RORA: variants seen among roughly 807,000 people sequenced by gnomAD.
The protein encoded by RORA is nuclear receptor ROR-alpha.
RORA carries 7 observed loss-of-function variants against 69.5 expected under a neutral mutation model. That is an observed-to-expected ratio of 0.10 (90% CI 0.06 to 0.19). The LOEUF is 0.19. Among genes scored for constraint, RORA ranks in the 10% least tolerant of loss-of-function variants. The pLI is 1.00. For missense variants in RORA, 457 were observed against 663.0 expected, an observed-to-expected ratio of 0.69 and a Z score of 3.41; for synonymous variants, 261 against 240.8, an observed-to-expected ratio of 1.08 and a Z score of -0.78.
rs994901562 is a variant in RORA at position 60,493,107 on chromosome 15, T to C, written c.*4348A>G. On this transcript the variant is annotated 3_prime_UTR_variant, in exon 11 of 11. Transcript: ENST00000335670. The stretch of plus-strand genomic sequence containing the variant: ...ATTATAAGGTGCTTATTTACCCTTG[T>C]TTTTCACCAGTCAGCACAAAGAACT... 3.9e-5 allele frequency: 6 copies of C among 152,106 alleles called. No individual in the cohort carries two copies. The highest frequency in any genetic ancestry group is 1.4e-4 in the African/African-American group (6 of 41,412). 9.4% of individuals were successfully genotyped at this position (152,106 alleles called of 1,614,324 possible). A position where few individuals can be genotyped will look rare whatever the true frequency, so the allele number is the denominator to read the frequency against.
chr15:60,750,596 C>T (rs1306162957), intron 1 of RORA, among the ~76,000 whole-genome samples: 1 of 152,016 alleles, frequency 6.6e-6, no homozygotes, highest in Non-Finnish European at 1.5e-5. Flanking sequence ...TAATTAGGCT[C>T]TCTATGTATA....
At chr15:60,986,320 G>C (rs555651073) in intron 1 of RORA, among the ~76,000 whole-genome samples, 26 of 152,248 alleles carry the variant, frequency 1.7e-4, no homozygotes, top group Admixed American at 7.2e-4. Context: ...GTTTAGTAGA[G>C]ATGGAGTTTT....
In RORA at chr15:60,811,391, A is replaced by T. The variant is rs341366; in HGVS notation, c.167-132705T>A. Among the ~76,000 whole-genome samples, 3 of 152,032 alleles carry T rather than the reference A, an allele frequency of 2.0e-5. No homozygotes were observed. The South Asian group carries it at 6.2e-4, about 32-fold the overall frequency. ...CTTTCCTGTATCTGATAAGTCAGTTATCTCTATTCCATCTGCTTTCCAGCT... is the reference window on the plus strand; with the variant it reads ...CTTTCCTGTATCTGATAAGTCAGTTTTCTCTATTCCATCTGCTTTCCAGCT... On this transcript the variant is annotated intron_variant, in intron 1 of 10. Coordinates refer to ENST00000335670, the MANE Select transcript of RORA (RefSeq NM_134261.3).
At chr15:60,633,405 T>C (rs944810362) in intron 2 of RORA, among the ~76,000 whole-genome samples, 2 of 152,226 alleles carry the variant, frequency 1.3e-5, no homozygotes, top group African/African-American at 4.8e-5. Context: ...CTTTAACTTA[T>C]AATATATAGA....
intron 1 of RORA, among the ~76,000 whole-genome samples, chr15:61,208,543 T>C (rs2079962265): frequency 6.6e-6 from 1 of 152,230 alleles, no homozygotes; most frequent in African/African-American, 2.4e-5. Flanking sequence ...GTGAATGTAA[T>C]GGTAAGTAAA....
intron 1 of RORA, among the ~76,000 whole-genome samples, chr15:61,191,479 C>G (rs1159462430): frequency 6.6e-6 from 1 of 152,138 alleles, no homozygotes; most frequent in African/African-American, 2.4e-5. Flanking sequence ...CTTCCTCATT[C>G]ATTTAGATGT....
chr15:60,597,577 C>CATATATATAT (rs1303140365), intron 2 of RORA, among the ~76,000 whole-genome samples: 10 of 25,292 alleles, frequency 4.0e-4, no homozygotes, highest in Non-Finnish European at 4.7e-4. Context: ...TATATATACA[C>CATATATATAT]ATATATATAT....
At chr15:60,575,360 G>A (rs949353987) in intron 2 of RORA, among the ~76,000 whole-genome samples, 1 of 152,192 alleles carries the variant, frequency 6.6e-6, no homozygotes, top group South Asian at 2.1e-4. Flanking sequence ...AGCTTTGTAC[G>A]TGTACTTGAA....
chr15:61,170,617 C>A (rs1423416715), intron 1 of RORA, among the ~76,000 whole-genome samples: 1 of 152,182 alleles, frequency 6.6e-6, no homozygotes, highest in Non-Finnish European at 1.5e-5. Flanking sequence ...TGCCATACTT[C>A]TCTCATAAAA....
intron 1 of RORA, among the ~76,000 whole-genome samples, chr15:60,996,442 A>T (rs867282659): frequency 3.3e-5 from 5 of 152,204 alleles, no homozygotes; most frequent in African/African-American, 4.8e-5. Context: ...TGAACACAAG[A>T]TCTGTATACT....
At position 60,871,783 on chromosome 15, in the gene RORA, T is replaced by C. The variant is rs114595440; in HGVS notation, c.167-193097A>G. Among the ~76,000 whole-genome samples the C allele has an allele frequency of 4.7e-3, 723 of 152,330 alleles. 6 individuals carry two copies. The highest frequency in any genetic ancestry group is 0.017 in the African/African-American group (687 of 41,570). On this transcript the variant is annotated intron_variant, in intron 1 of 10. Coordinates refer to ENST00000335670, the MANE Select transcript of RORA (RefSeq NM_134261.3). ...TAAGGATGTTAAATGCAATGCAGTATCCTGGATTGGATCCTGGAAACAGAA... is the reference window on the plus strand; with the variant it reads ...TAAGGATGTTAAATGCAATGCAGTACCCTGGATTGGATCCTGGAAACAGAA...
chr15:61,125,511 T>C (rs2079135753), intron 1 of RORA, among the ~76,000 whole-genome samples: 1 of 152,254 alleles, frequency 6.6e-6, no homozygotes, highest in South Asian at 2.1e-4. Context: ...CTTATTTCAG[T>C]TATACAGTAT....
chr15:60,807,575 T>A (rs1032539222), intron 1 of RORA, among the ~76,000 whole-genome samples: 1 of 151,892 alleles, frequency 6.6e-6, no homozygotes, highest in African/African-American at 2.4e-5. Flanking sequence ...GAAAAAACAA[T>A]CTTAAAATTC....
chr15:61,038,069 C>A (rs1450797376), intron 1 of RORA, among the ~76,000 whole-genome samples: 2 of 152,064 alleles, frequency 1.3e-5, no homozygotes, highest in Non-Finnish European at 2.9e-5. Flanking sequence ...TAAAAAAAAA[C>A]CAAGTATGAA....
intron 1 of RORA, among the ~76,000 whole-genome samples, chr15:60,948,890 G>A (rs1892991190): frequency 6.6e-6 from 1 of 152,192 alleles, no homozygotes; most frequent in Admixed American, 6.5e-5. Flanking sequence ...TGATAGTTCA[G>A]GCAGGAGAGG....
At chr15:60,628,027 A>C (rs1007073383) in intron 2 of RORA, among the ~76,000 whole-genome samples, 62 of 152,308 alleles carry the variant, frequency 4.1e-4, no homozygotes, top group African/African-American at 1.5e-3. Flanking sequence ...AATTTGTAAA[A>C]ATAGTACAGA....
chr15:60,517,110 C>CTTTTTTTTTTTTTTTTTTT (rs34707279), intron 3 of RORA, among the ~76,000 whole-genome samples: 4 of 141,270 alleles, frequency 2.8e-5, no homozygotes, highest in African/African-American at 1.1e-4. Flanking sequence ...TTCATCTGTG[C>CTTTTTTTTTTTTTTTTTTT]TTTTTTTTTT....
intron 1 of RORA, among the ~76,000 whole-genome samples, chr15:61,019,230 TC>T (rs1895416027): frequency 6.6e-6 from 1 of 152,224 alleles, no homozygotes; most frequent in Non-Finnish European, 1.5e-5. Context: ...ATTGCTGGCA[TC>T]ACTCGCCCCA....
chr15:60,690,920 T>C (rs2070813959), intron 1 of RORA, among the ~76,000 whole-genome samples: 2 of 152,182 alleles, frequency 1.3e-5, no homozygotes, highest in Admixed American at 1.3e-4. Context: ...AGAGTGACTT[T>C]TTGAACTATA....
Sources: allele counts gnomAD v4.1 joint callset (sites outside exome capture counted in the v4.1 genomes callset), GRCh38; gene constraint gnomAD v4.1.1; transcripts MANE v1.5; gene names NCBI Gene and HGNC (gene_info 2026-07-23, HGNC 2026-07-21).